The following PPP1R9A variants were observed in gnomAD, a reference collection of about 807,000 sequenced individuals.
PPP1R9A encodes the protein neurabin-1.
A neutral mutation model predicts 141.9 loss-of-function variants in PPP1R9A; 59 were observed. That is an observed-to-expected ratio of 0.42 (90% CI 0.34 to 0.52). PPP1R9A has a LOEUF of 0.52. PPP1R9A is among the 20% of genes least tolerant of loss of function. PPP1R9A has a pLI of 0.10. For synonymous variants in PPP1R9A, 500 were observed against 569.7 expected, an observed-to-expected ratio of 0.88 and a Z score of 1.74; for missense variants, 1,444 against 1,611.9, an observed-to-expected ratio of 0.90 and a Z score of 1.78.
intron 2 of PPP1R9A, among the ~76,000 whole-genome samples, chr7:95,023,033 G>A (rs544798384): frequency 6.6e-6 from 1 of 152,232 alleles, no homozygotes; most frequent in Admixed American, 6.5e-5. Flanking sequence ...CTATCGTTTG[G>A]AATAGTTTCA....
At chr7:95,252,854 T>C (rs1424681323) in intron 12 of PPP1R9A, among the ~76,000 whole-genome samples, 1 of 152,210 alleles carries the variant, frequency 6.6e-6, no homozygotes, top group Admixed American at 6.5e-5. Flanking sequence ...TTGAGATTCA[T>C]GTAGTTAACG....
chr7:95,066,796 G>A (rs1467641643), intron 2 of PPP1R9A, among the ~76,000 whole-genome samples: 4 of 150,958 alleles, frequency 2.6e-5, no homozygotes, highest in Non-Finnish European at 4.4e-5. Flanking sequence ...TATCAAGCAA[G>A]TAATACTGAG....
chr7:95,043,712 T>C (rs1809588347), intron 2 of PPP1R9A, among the ~76,000 whole-genome samples: 1 of 152,212 alleles, frequency 6.6e-6, no homozygotes, highest in Non-Finnish European at 1.5e-5. Context: ...CTTTATCTAC[T>C]ATTGTCTTGT....
At chr7:94,983,504 A>G (rs1442465731) in intron 2 of PPP1R9A, among the ~76,000 whole-genome samples, 1 of 151,908 alleles carries the variant, frequency 6.6e-6, no homozygotes, top group Non-Finnish European at 1.5e-5. Context: ...CTTTTATTTC[A>G]TTGAGCAGTG....
At chr7:95,183,051 T>C (rs1834089803) in intron 5 of PPP1R9A, among the ~76,000 whole-genome samples, 1 of 152,152 alleles carries the variant, frequency 6.6e-6, no homozygotes, top group Admixed American at 6.6e-5. Flanking sequence ...TTAAATAGTG[T>C]GTAGTTCTTG....
intron 2 of PPP1R9A, among the ~76,000 whole-genome samples, chr7:94,932,150 C>T (rs760132138): frequency 6.6e-6 from 1 of 152,096 alleles, no homozygotes; most frequent in African/African-American, 2.4e-5. Context: ...TAGGGGTGGT[C>T]AGAAATCCAT....
chr7:95,135,854 C>CTTTTTTTTTTTTTTTTGTTTTT (rs1825562645), intron 4 of PPP1R9A, among the ~76,000 whole-genome samples: 1 of 73,076 alleles, frequency 1.4e-5, no homozygotes, highest in Non-Finnish European at 2.5e-5. Context: ...TTCAGCTTTA[C>CTTTTTTTTTTTTTTTTGTTTTT]TTTTTTTTTT....
intron 2 of PPP1R9A, among the ~76,000 whole-genome samples, chr7:95,035,321 T>G (rs1808287866): frequency 6.6e-6 from 1 of 152,192 alleles, no homozygotes; most frequent in African/African-American, 2.4e-5. Flanking sequence ...ATGCTATATA[T>G]TTGTTAAAAT....
chr7:95,002,016 A>C (rs777626740), intron 2 of PPP1R9A, among the ~76,000 whole-genome samples: 5 of 152,198 alleles, frequency 3.3e-5, no homozygotes, highest in Non-Finnish European at 7.3e-5. Flanking sequence ...TTTTGTAATA[A>C]GTGCTCTCTC....
intron 2 of PPP1R9A, among the ~76,000 whole-genome samples, chr7:94,949,601 TCAGA>T (rs2151016251): frequency 6.6e-6 from 1 of 152,176 alleles, no homozygotes; most frequent in East Asian, 1.9e-4. Flanking sequence ...AGTTAGCAGC[TCAGA>T]CAGTGGTGGG....
intron 17 of PPP1R9A, among the ~76,000 whole-genome samples, chr7:95,285,913 A>G (rs1373784579): frequency 6.6e-6 from 1 of 152,208 alleles, no homozygotes; most frequent in Non-Finnish European, 1.5e-5. Flanking sequence ...GCTTATTAAT[A>G]TTATTCCTCT....
intron 5 of PPP1R9A, among the ~76,000 whole-genome samples, chr7:95,187,660 A>G (rs375105678): frequency 1.7e-3 from 266 of 152,244 alleles, no homozygotes; most frequent in African/African-American, 6.0e-3. Context: ...CTTTCCTCCT[A>G]GCACTGCTTT....
Position 95,022,660 on chromosome 7 carries a change from T to C in PPP1R9A, c.1396-88599T>C, listed in dbSNP as rs139755675. On this transcript the variant is annotated intron_variant, in intron 2 of 19. Coordinates refer to ENST00000433360, the MANE Select transcript of PPP1R9A (RefSeq NM_001166160.2). ...TATTTTGAGATATGTGCCATCAATA[T>C]CTAGTTTATTGAGAGTTTTTAGCAT... 7.4e-3 allele frequency among the ~76,000 whole-genome samples: 1,121 copies of C among 152,210 alleles called. 17 individuals carry two copies. The highest frequency in any genetic ancestry group is 0.025 in the African/African-American group (1,046 of 41,550).
chr7:94,967,253 CA>C (rs1798321030), intron 2 of PPP1R9A, among the ~76,000 whole-genome samples: 2 of 151,780 alleles, frequency 1.3e-5, no homozygotes, highest in African/African-American at 2.4e-5. Context: ...TTGATCTTTT[CA>C]AAAAAGCAGC....
chr7:95,211,461 G>T (rs1460269059), intron 7 of PPP1R9A, among the ~76,000 whole-genome samples: 1 of 152,136 alleles, frequency 6.6e-6, no homozygotes, highest in Non-Finnish European at 1.5e-5. Context: ...TTCACTGATA[G>T]TTCTGCCAAG....
chr7:95,079,921 A>T (rs1274315894), intron 2 of PPP1R9A, among the ~76,000 whole-genome samples: 1 of 152,218 alleles, frequency 6.6e-6, no homozygotes, highest in Non-Finnish European at 1.5e-5. Flanking sequence ...TAAATTAGGT[A>T]TTGATGGGAC....
chr7:95,135,791 C>T (rs1825542101), intron 4 of PPP1R9A, among the ~76,000 whole-genome samples: 1 of 149,850 alleles, frequency 6.7e-6, no homozygotes, highest in Admixed American at 6.7e-5. Context: ...TTAATCCTTT[C>T]ACTTCATGAA....
intron 5 of PPP1R9A, among the ~76,000 whole-genome samples, chr7:95,183,561 C>T (rs1322125526): frequency 6.7e-6 from 1 of 149,512 alleles, no homozygotes; most frequent in Non-Finnish European, 1.5e-5. Context: ...AGTGATTCTC[C>T]TGCCTCAGCC....
At chr7:95,178,874 A>G (rs1277990538) in intron 5 of PPP1R9A, among the ~76,000 whole-genome samples, 2 of 152,152 alleles carry the variant, frequency 1.3e-5, no homozygotes, top group Non-Finnish European at 2.9e-5. Flanking sequence ...GTGAGATTGA[A>G]ATGGTAATTT....
Sources: gnomAD v4.1 joint callset for allele counts (sites outside exome capture counted in the v4.1 genomes callset) on GRCh38, gnomAD v4.1.1 for gene constraint, MANE v1.5 for transcripts, NCBI Gene and HGNC (gene_info 2026-07-23, HGNC 2026-07-21) for gene names.